The following AP3B1 variants were observed in gnomAD, a reference collection of about 807,000 sequenced individuals.
AP3B1 encodes the protein adaptor related protein complex 3 subunit beta 1.
A neutral mutation model predicts 132.5 loss-of-function variants in AP3B1; 61 were observed. The observed-to-expected ratio is 0.46, with a 90% confidence interval of 0.37 to 0.57. The LOEUF (loss-of-function observed/expected upper bound fraction) is 0.57, where lower values mean the gene tolerates loss of function less well. Ranked by LOEUF, AP3B1 falls within the 20% of genes least tolerant of loss-of-function variation. The pLI, the probability that AP3B1 is intolerant of heterozygous loss-of-function variation, is 0.00. For missense variants in AP3B1, 1,120 were observed against 1,289.4 expected (o/e 0.87, Z 2.01); for synonymous variants, 388 against 438.3 (o/e 0.89, Z 1.43).
chr5:78,060,522 T>G (rs1373021025), intron 22 of AP3B1, among the ~76,000 whole-genome samples: 3 of 152,198 alleles, frequency 2.0e-5, no homozygotes, highest in Non-Finnish European at 2.9e-5. Flanking sequence ...GAATGTTTTC[T>G]CTGTGTATTT....
intron 22 of AP3B1, among the ~76,000 whole-genome samples, chr5:78,047,703 T>C (rs1310559025): frequency 1.3e-5 from 2 of 152,198 alleles, no homozygotes; most frequent in Non-Finnish European, 1.5e-5. Context: ...ACAATGCATG[T>C]GCAGGCTTCA....
intron 10 of AP3B1, 40 bp downstream of exon 10, chr5:78,175,744 T>C: frequency 1.2e-6 from 2 of 1,608,264 alleles, no homozygotes; most frequent in Non-Finnish European, 1.7e-6. Flanking sequence ...TACTAATGTG[T>C]TCATGTGTCT....
chr5:78,294,373 G>C, intron 1 of AP3B1, 79 bp downstream of exon 1: 1 of 1,606,356 alleles, frequency 6.2e-7, no homozygotes, highest in Non-Finnish European at 8.5e-7. Context: ...CTCCTCTCCA[G>C]GAAGCCCACC....
chr5:78,016,707 G>A (rs989023425), intron 25 of AP3B1, among the ~76,000 whole-genome samples: 2 of 152,020 alleles, frequency 1.3e-5, no homozygotes, highest in South Asian at 2.1e-4. Flanking sequence ...GACTTTTGCC[G>A]TCAGTTAGAA....
At chr5:78,171,562 C>T (rs528202378) in intron 11 of AP3B1, among the ~76,000 whole-genome samples, 1 of 152,282 alleles carries the variant, frequency 6.6e-6, no homozygotes, top group African/African-American at 2.4e-5. Flanking sequence ...TATAGGAATG[C>T]TTCTGATTTT....
intron 21 of AP3B1, among the ~76,000 whole-genome samples, chr5:78,098,219 C>A (rs1580344784): frequency 1.3e-5 from 2 of 151,732 alleles, no homozygotes; most frequent in Middle Eastern, 6.8e-3. Context: ...CTTCCCTCCA[C>A]TATTGTCCTA....
At chr5:78,132,191 C>T (rs1238653414) in intron 15 of AP3B1, among the ~76,000 whole-genome samples, 1 of 152,134 alleles carries the variant, frequency 6.6e-6, no homozygotes. Flanking sequence ...GCAGTTTGTT[C>T]GCATGCACAA....
chr5:78,129,457 T>TG (rs1330461856), intron 15 of AP3B1, 150 bp from the exon 16 acceptor site: 2 of 750,308 alleles, frequency 2.7e-6, no homozygotes, highest in Non-Finnish European at 4.5e-6. Context: ...ATGCTGCAAA[T>TG]GGAATTTTGA....
At chr5:78,131,032 G>A (rs935260255) in intron 15 of AP3B1, among the ~76,000 whole-genome samples, 1 of 151,624 alleles carries the variant, frequency 6.6e-6, no homozygotes, top group African/African-American at 2.4e-5. Flanking sequence ...ACTGTAAAAT[G>A]TATTATATTA....
At chr5:78,195,296 G>C (rs1240854252) in intron 7 of AP3B1, among the ~76,000 whole-genome samples, 1 of 152,190 alleles carries the variant, frequency 6.6e-6, no homozygotes, top group Non-Finnish European at 1.5e-5. Flanking sequence ...TCGTTGAACT[G>C]TCAGCCATAC....
chr5:78,010,287 C>A (rs954196900), intron 26 of AP3B1, among the ~76,000 whole-genome samples: 3 of 152,148 alleles, frequency 2.0e-5, no homozygotes, highest in Non-Finnish European at 1.5e-5. Context: ...GGCATTACAG[C>A]TTGATAATTC....
intron 7 of AP3B1, among the ~76,000 whole-genome samples, chr5:78,213,599 T>G (rs1745841276): frequency 6.6e-6 from 1 of 152,158 alleles, no homozygotes; most frequent in Non-Finnish European, 1.5e-5. Context: ...ACTTACACAA[T>G]CGATGAATAA....
At chr5:78,073,000 G>A (rs186014908) in intron 22 of AP3B1, among the ~76,000 whole-genome samples, 3 of 152,122 alleles carry the variant, frequency 2.0e-5, no homozygotes, top group Non-Finnish European at 4.4e-5. Context: ...GATTACAGGC[G>A]TGAGCCACCA....
chr5:78,110,467 T>A, intron 19 of AP3B1, 113 bp from the exon 20 acceptor site: 1 of 749,626 alleles, frequency 1.3e-6, no homozygotes, highest in Non-Finnish European at 2.1e-6. Context: ...AAAAAAGGTA[T>A]TACCCATAAC....
At position 78,242,650 on chromosome 5, in the gene AP3B1, A is replaced by T. The variant is rs1373755195; in HGVS notation, c.205-1714T>A. ...TTGAACTCCTGACCTCAAGTGATCC[A>T]CCCCCCTCGGCCTCCCAAACTGCTG... On this transcript the variant is annotated intron_variant, in intron 2 of 26. Transcript: ENST00000255194. Among the ~76,000 whole-genome samples, 3 of 150,440 alleles carry T rather than the reference A, an allele frequency of 2.0e-5. No individual in the cohort carries two copies. The East Asian group carries it at 5.9e-4, about 29-fold the overall frequency.
chr5:78,259,976 A>T (rs989288141), intron 2 of AP3B1, among the ~76,000 whole-genome samples: 10 of 151,970 alleles, frequency 6.6e-5, no homozygotes, highest in African/African-American at 2.4e-4. Flanking sequence ...TCTCAAAAAA[A>T]CAAAAAACAA....
At chr5:78,164,714 G>A (rs910180284) in intron 12 of AP3B1, among the ~76,000 whole-genome samples, 1 of 152,020 alleles carries the variant, frequency 6.6e-6, no homozygotes, top group Non-Finnish European at 1.5e-5. Context: ...AGTAATCCAG[G>A]TATGAAAATA....
chr5:78,128,290 T>C (rs1377120731), intron 16 of AP3B1, 130 bp from the exon 17 acceptor site: 2 of 794,232 alleles, frequency 2.5e-6, no homozygotes, highest in Non-Finnish European at 3.9e-6. Flanking sequence ...ACTAGGAAGC[T>C]CTTCATAGGT....
At chr5:78,099,228 T>A (rs1419953405) in intron 21 of AP3B1, among the ~76,000 whole-genome samples, 1 of 152,220 alleles carries the variant, frequency 6.6e-6, no homozygotes, top group Non-Finnish European at 1.5e-5. Flanking sequence ...TAATTTCTGC[T>A]GTTTATAAAT....
Sources: allele counts gnomAD v4.1 joint callset (sites outside exome capture counted in the v4.1 genomes callset), GRCh38; gene constraint gnomAD v4.1.1; transcripts MANE v1.5; gene names NCBI Gene and HGNC (gene_info 2026-07-23, HGNC 2026-07-21).